Variants in WIPI2 observed in about 807,000 individuals in gnomAD.
WIPI2 encodes WD repeat domain phosphoinositide-interacting protein 2.
WIPI2 carries 28 observed loss-of-function variants against 52.3 expected under a neutral mutation model. That is an observed-to-expected ratio of 0.54 (90% CI 0.40 to 0.73). The LOEUF is 0.73. WIPI2 is among the 30% of genes least tolerant of loss of function. The pLI is 0.00. For synonymous variants in WIPI2, 268 were observed against 245.0 expected, an observed-to-expected ratio of 1.09 and a Z score of -0.88; for missense variants, 506 against 602.9, an observed-to-expected ratio of 0.84 and a Z score of 1.68.
At chr7:5,200,749 GC>G (rs2115222771) in intron 3 of WIPI2, among the ~76,000 whole-genome samples, 1 of 152,234 alleles carries the variant, frequency 6.6e-6, no homozygotes, top group South Asian at 2.1e-4. Context: ...CTGGGCCCTG[GC>G]CTCCTCTCTG....
At chr7:5,211,420 C>G (rs1167413071) in intron 3 of WIPI2, among the ~76,000 whole-genome samples, 1 of 152,162 alleles carries the variant, frequency 6.6e-6, no homozygotes, top group African/African-American at 2.4e-5. Context: ...TGCAGTGAGT[C>G]GAGATCACGC....
chr7:5,193,048 C>T, intron 1 of WIPI2, 70 bp from the exon 2 acceptor site: 1 of 1,464,970 alleles, frequency 6.8e-7, no homozygotes, highest in South Asian at 1.2e-5. Context: ...GATTCCTATC[C>T]TAAAAGTGTG....
At chr7:5,206,089 C>CT (rs1271990131) in intron 3 of WIPI2, among the ~76,000 whole-genome samples, 1 of 151,996 alleles carries the variant, frequency 6.6e-6, no homozygotes, top group African/African-American at 2.4e-5. Context: ...ATGCATTGGT[C>CT]TTTTTTTCTA....
At chr7:5,217,330 G>C (rs1432817366) in intron 6 of WIPI2, 143 bp downstream of exon 6, 1 of 877,260 alleles carries the variant, frequency 1.1e-6, no homozygotes, top group South Asian at 1.5e-5. Flanking sequence ...TTTGAGACAG[G>C]GTCTGGCTCT....
chr7:5,223,160 A>G (rs1783234725), intron 8 of WIPI2, among the ~76,000 whole-genome samples: 1 of 152,208 alleles, frequency 6.6e-6, no homozygotes, highest in South Asian at 2.1e-4. Context: ...ATCGGTGCTT[A>G]CATGCCTCCT....
chr7:5,228,094 T>C lies in WIPI2; in HGVS notation c.1014-10T>C, dbSNP rs199606997. 21 of 1,613,736 alleles carry C rather than the reference T, an allele frequency of 1.3e-5. No individual in the cohort carries two copies. Among genetic ancestry groups the C allele is most frequent in the Non-Finnish European group, 1.8e-5 (21 of 1,179,866 alleles). On this transcript the variant is annotated splice_polypyrimidine_tract_variant and intron_variant, in intron 10 of 12. Transcript: ENST00000288828. ...TTGTCTAGAATTTGGCTGCTCTTTA[T>C]TCTCCCTAGAATTCAGAAGATCCCG...
chr7:5,200,561 G>GTT (rs11369627), intron 3 of WIPI2, among the ~76,000 whole-genome samples: 99 of 150,610 alleles, frequency 6.6e-4, no homozygotes, highest in South Asian at 2.3e-3. Flanking sequence ...TTTTTTGTTT[G>GTT]TTTTTTTTTG....
chr7:5,213,687 T>TTGTTGTTGTTG (rs1782673041), intron 3 of WIPI2, among the ~76,000 whole-genome samples: 1 of 4,516 alleles, frequency 2.2e-4, no homozygotes, highest in Non-Finnish European at 4.4e-4. Context: ...GTTGTTGTTG[T>TTGTTGTTGTTG]TGTTGTTGTT....
chr7:5,229,746 G>A lies in WIPI2; in HGVS notation c.1252+8G>A, dbSNP rs1354955032. Reference sequence around the variant, plus strand: ...CATCCCCAACGAGACTTGGTAAGGGGCGTGACGCAAACCTGGAAGGTAATT... The same window carrying A: ...CATCCCCAACGAGACTTGGTAAGGGACGTGACGCAAACCTGGAAGGTAATT... On this transcript the variant is annotated splice_region_variant and intron_variant, in intron 12 of 12. Coordinates refer to ENST00000288828, the MANE Select transcript of WIPI2 (RefSeq NM_015610.4). 5.0e-6 allele frequency: 8 copies of A among 1,613,522 alleles called. No homozygotes were observed. Among genetic ancestry groups the A allele is most frequent in the Non-Finnish European group, 6.8e-6 (8 of 1,179,718 alleles).
chr7:5,199,481 C>A, intron 2 of WIPI2, 95 bp from the exon 3 acceptor site: 1 of 1,061,550 alleles, frequency 9.4e-7, no homozygotes, highest in Non-Finnish European at 1.4e-6. Flanking sequence ...ACGCGGGGAA[C>A]TTGCTGGGAA....
At chr7:5,228,311 A>G (rs973995767) in intron 11 of WIPI2, 100 bp downstream of exon 11, 3 of 1,118,792 alleles carry the variant, frequency 2.7e-6, no homozygotes, top group African/African-American at 1.6e-5. Context: ...AACCAGTGAC[A>G]TAGAGGGGCA....
chr7:5,196,650 G>A (rs1196284479), intron 2 of WIPI2, among the ~76,000 whole-genome samples: 1 of 152,116 alleles, frequency 6.6e-6, no homozygotes, highest in Non-Finnish European at 1.5e-5. Context: ...TTGCCCATGG[G>A]AGAAGCCCCC....
chr7:5,197,921 T>G (rs948256459), intron 2 of WIPI2, among the ~76,000 whole-genome samples: 1 of 152,294 alleles, frequency 6.6e-6, no homozygotes. Context: ...TGGACTTGCT[T>G]CTTGTTTTGC....
chr7:5,219,220 G>A (rs958273185), intron 7 of WIPI2, among the ~76,000 whole-genome samples: 1 of 150,404 alleles, frequency 6.6e-6, no homozygotes, highest in African/African-American at 2.4e-5. Context: ...GTTAAGCGGT[G>A]TGCCCGGGGC....
intron 8 of WIPI2, among the ~76,000 whole-genome samples, chr7:5,225,176 T>C (rs1200694177): frequency 1.3e-5 from 2 of 151,986 alleles, no homozygotes; most frequent in Non-Finnish European, 2.9e-5. Context: ...AGTCTCACTC[T>C]GTCGCCCAGG....
rs1022491473 is a variant in WIPI2, at chr7:5,232,404, C to T, written c.*1457C>T. ...ACTAAATGCAGGGGACGCTGGAGTCCGACTCACCTACACCGGCTTCCTCCC... is the reference window on the plus strand; with the variant it reads ...ACTAAATGCAGGGGACGCTGGAGTCTGACTCACCTACACCGGCTTCCTCCC... On this transcript the variant is annotated 3_prime_UTR_variant, in exon 13 of 13. Transcript: ENST00000288828. 8 of 398,072 alleles carry T rather than the reference C, an allele frequency of 2.0e-5. No individual in the cohort carries two copies. Among genetic ancestry groups the T allele is most frequent in the East Asian group, 7.1e-5 (2 of 28,086 alleles). The allele number at this position is 398,072 out of a possible 1,614,324, so 24.7% of individuals were successfully genotyped here. A position where few individuals can be genotyped will look rare whatever the true frequency, so the allele number is the denominator to read the frequency against.
At position 5,230,773 on chromosome 7, in the gene WIPI2, G is replaced by A. The variant is rs995566298; in HGVS notation, c.1253-62G>A. ...GTTTCCAAAACACAGTCCTCAGTGT[G>A]TGTCATGGGGTCTGTGGTGTGTCCC... On this transcript the variant is annotated intron_variant, in intron 12 of 12. Transcript: ENST00000288828. This position sits in a 1 kb window ranked among gnomAD's most constrained non-coding sequence, Gnocchi z 4.8. 4.0e-6 allele frequency: 5 copies of A among 1,258,588 alleles called. No homozygotes were observed. The highest frequency in any genetic ancestry group is 5.6e-6 in the Non-Finnish European group (5 of 889,342). The allele number at this position is 1,258,588 out of a possible 1,614,324, so 78.0% of individuals were successfully genotyped here.
At chr7:5,190,731 G>A (rs1377786021) in intron 1 of WIPI2, 2 of 385,466 alleles carry the variant, frequency 5.2e-6, no homozygotes, top group African/African-American at 2.1e-5. Flanking sequence ...TGGAGAGGGG[G>A]CTGCTTTCAC....
At position 5,230,807 on chromosome 7, in the gene WIPI2, G is replaced by C. The variant is rs752198698; in HGVS notation, c.1253-28G>C. The C allele has an allele frequency of 3.8e-6, 6 of 1,595,180 alleles. No individual in the cohort carries two copies. Among genetic ancestry groups the C allele is most frequent in the Non-Finnish European group, 5.1e-6 (6 of 1,166,580 alleles). On this transcript the variant is annotated intron_variant, in intron 12 of 12. Transcript: ENST00000288828. This position sits in a 1 kb window ranked among gnomAD's most constrained non-coding sequence, Gnocchi z 4.8. Reference sequence around the variant, plus strand: ...GGTCTGTGGTGTGTCCCCAGCCTTTGAAGGGTGACTTCGTCGTCTCTTTGC... The same window carrying C: ...GGTCTGTGGTGTGTCCCCAGCCTTTCAAGGGTGACTTCGTCGTCTCTTTGC...
Sources: gnomAD v4.1 joint callset for allele counts (sites outside exome capture counted in the v4.1 genomes callset) on GRCh38, gnomAD v4.1.1 for gene constraint, Gnocchi (gnomAD v3.1) non-coding constraint, MANE v1.5 for transcripts, NCBI Gene and HGNC (gene_info 2026-07-23, HGNC 2026-07-21) for gene names.